The following ZNF484 variants were observed in gnomAD, a reference collection of about 807,000 sequenced individuals.
ZNF484 encodes the protein zinc finger protein 484.
ZNF484 carries 11 observed loss-of-function variants against 12.9 expected under a neutral mutation model. The ratio of observed to expected loss-of-function variants is 0.85; its 90% confidence interval spans 0.54 to 1.41. The LOEUF (loss-of-function observed/expected upper bound fraction) is 1.41. Among genes scored for constraint, ZNF484 ranks in the 40% most tolerant of loss-of-function variants. The pLI, the probability that ZNF484 is intolerant of heterozygous loss-of-function variation, is 0.00. For missense variants in ZNF484, 807 were observed against 1,007.7 expected (o/e 0.80, Z 2.70); for synonymous variants, 289 against 334.1 (o/e 0.86, Z 1.47).
intron 4 of ZNF484, among the ~76,000 whole-genome samples, chr9:92,855,012 T>C (rs1173528705): frequency 6.6e-6 from 1 of 152,084 alleles, no homozygotes; most frequent in East Asian, 1.9e-4. Context: ...ATGTCAAATA[T>C]ATTAGAACAG....
chr9:92,869,271 T>C (rs569789372), intron 2 of ZNF484, among the ~76,000 whole-genome samples: 84 of 152,304 alleles, frequency 5.5e-4, no homozygotes, highest in Middle Eastern at 3.4e-3. Context: ...ATATTGTACA[T>C]GTATGTATGG....
chr9:92,847,471 G>A lies in ZNF484; in HGVS notation c.1316C>T (p.Pro439Leu). ...TTTCCCACAGTCACTGCATTCATAG[G>A]GTTTTTCTCCAGTATGAATTCTTTC... The part of the protein sequence containing the change: ...THERIHTGEK[P>L]YECSDCGKSF... Residue 439 changes from proline to leucine, a missense_variant, in exon 5 of 5, where the codon CCC becomes CTC. Coordinates refer to ENST00000375495, the MANE Select transcript of ZNF484 (RefSeq NM_031486.4). The A allele has an allele frequency of 2.5e-6, 4 of 1,612,464 alleles. No individual in the cohort carries two copies. The highest frequency in any genetic ancestry group is 3.4e-6 in the Non-Finnish European group (4 of 1,179,532).
intron 2 of ZNF484, among the ~76,000 whole-genome samples, chr9:92,867,261 G>A (rs112462979): frequency 2.0e-5 from 3 of 152,190 alleles, no homozygotes; most frequent in African/African-American, 7.2e-5. Flanking sequence ...GGTGGATCAC[G>A]AGGTCAGGAG....
chr9:92,863,359 T>A (rs1856889878), intron 2 of ZNF484, among the ~76,000 whole-genome samples: 1 of 151,886 alleles, frequency 6.6e-6, no homozygotes, highest in Non-Finnish European at 1.5e-5. Context: ...CAGCAAACCA[T>A]CATGACACAC....
At chr9:92,862,976 T>C (rs1162377978) in intron 2 of ZNF484, among the ~76,000 whole-genome samples, 1 of 152,150 alleles carries the variant, frequency 6.6e-6, no homozygotes, top group African/African-American at 2.4e-5. Context: ...CATATGTTCA[T>C]TGTGGCACTA....
chr9:92,855,966 T>C, intron 3 of ZNF484, 63 bp from the exon 4 acceptor site: 1 of 1,578,186 alleles, frequency 6.3e-7, no homozygotes, highest in Non-Finnish European at 8.7e-7. Context: ...ATTCCATTTT[T>C]TTCCCAAAAA....
intron 4 of ZNF484, among the ~76,000 whole-genome samples, chr9:92,851,061 G>A (rs1196481715): frequency 6.6e-6 from 1 of 152,250 alleles, no homozygotes; most frequent in Non-Finnish European, 1.5e-5. Context: ...GCACATGGCT[G>A]CTTCACAACA....
At position 92,848,152 on chromosome 9, in the gene ZNF484, G is replaced by T. The variant is rs965958611; in HGVS notation, c.635C>A (p.Thr212Asn). Residue 212 changes from threonine (T) to asparagine (N), a missense_variant, in exon 5 of 5, where the codon ACT becomes AAT. Physicochemically the swap from Thr to Asn is moderately conservative, Grantham distance 65. Transcript: ENST00000375495. This position sits in a 1 kb window ranked among gnomAD's most constrained non-coding sequence, Gnocchi z 4.1. ...DKTIGDGDIF[T>N]HLNSHTEVTA... is the part of the protein sequence containing the mutation. Reference sequence around the variant, plus strand: ...CACTTCTGTATGAGAATTCAAATGAGTGAAAATATCACCATCTCCAATAGT... The same window carrying T: ...CACTTCTGTATGAGAATTCAAATGATTGAAAATATCACCATCTCCAATAGT... 1 of 1,614,128 alleles carries T rather than the reference G, an allele frequency of 6.2e-7. No homozygotes were observed. The highest frequency in any genetic ancestry group is 1.7e-5 in the Admixed American group (1 of 60,016).
chr9:92,864,061 G>GA (rs1180033557), intron 2 of ZNF484, among the ~76,000 whole-genome samples: 1 of 152,136 alleles, frequency 6.6e-6, no homozygotes, highest in African/African-American at 2.4e-5. Context: ...CAAGATGGAT[G>GA]AAAAAAGCAA....
chr9:92,862,204 T>C (rs1856822234), intron 2 of ZNF484: 1 of 894,104 alleles, frequency 1.1e-6, no homozygotes, highest in African/African-American at 1.8e-5. Context: ...CTGCCATACA[T>C]TTATTAAGCA....
At chr9:92,874,158 G>A (rs1413264810) in intron 2 of ZNF484, among the ~76,000 whole-genome samples, 1 of 152,172 alleles carries the variant, frequency 6.6e-6, no homozygotes, top group Non-Finnish European at 1.5e-5. Context: ...GAGCATTGAT[G>A]TTCTGTGGAA....
At chr9:92,849,786 GTCTC>G (rs376027089) in intron 4 of ZNF484, among the ~76,000 whole-genome samples, 11 of 151,244 alleles carry the variant, frequency 7.3e-5, no homozygotes, top group South Asian at 4.2e-4. Flanking sequence ...GTGAGACTCT[GTCTC>G]TCTCTCTCTC....
In ZNF484 at chr9:92,846,698, A is replaced by C; in HGVS notation, c.2089T>G (p.Cys697Gly). 6.2e-7 allele frequency: 1 copy of C among 1,614,146 alleles called. No homozygotes were observed. Among genetic ancestry groups the C allele is most frequent in the Non-Finnish European group, 8.5e-7 (1 of 1,180,018 alleles). ...GATTTTCTTGCAAAGGCTTTCCCACATTCACTGCACTCATAATGCCTTTCT... is the reference window on the plus strand; with the variant it reads ...GATTTTCTTGCAAAGGCTTTCCCACCTTCACTGCACTCATAATGCCTTTCT... ...TGERHYECSECGKAFARKSTL... is the reference protein window; with the variant it reads ...TGERHYECSEGGKAFARKSTL... The change falls in exon 5 of 5, where the codon TGT becomes GGT. Residue 697 changes from cysteine to glycine, a missense_variant. By Grantham distance (159) the Cys-to-Gly change is radical (BLOSUM62 -3). Transcript: ENST00000375495.
intron 4 of ZNF484, among the ~76,000 whole-genome samples, chr9:92,849,913 T>TGA (rs751535502): frequency 2.6e-5 from 4 of 152,190 alleles, no homozygotes; most frequent in Non-Finnish European, 4.4e-5. Flanking sequence ...GGGATTCTTG[T>TGA]GCCTCAGCCT....
At chr9:92,870,560 G>A (rs188007970) in intron 2 of ZNF484, among the ~76,000 whole-genome samples, 7 of 152,326 alleles carry the variant, frequency 4.6e-5, no homozygotes, top group East Asian at 1.9e-4. Context: ...TCTGCACAGT[G>A]GTAATGGGTA....
intron 4 of ZNF484, among the ~76,000 whole-genome samples, chr9:92,851,308 C>T (rs1856060160): frequency 6.6e-6 from 1 of 152,166 alleles, no homozygotes; most frequent in African/African-American, 2.4e-5. Context: ...TATCCAAAAG[C>T]TAACAATGTA....
chr9:92,877,049 T>G (rs62572381), intron 1 of ZNF484, among the ~76,000 whole-genome samples: 1 of 152,022 alleles, frequency 6.6e-6, no homozygotes, highest in South Asian at 2.1e-4. Context: ...AAAAAACAGC[T>G]AAAACATACT....
At chr9:92,874,603 C>T (rs1384327477) in intron 2 of ZNF484, among the ~76,000 whole-genome samples, 16 of 152,106 alleles carry the variant, frequency 1.1e-4, no homozygotes, top group Non-Finnish European at 1.6e-4. Flanking sequence ...TGAGCCACCG[C>T]GCCTGGCCTG....
chr9:92,860,993 T>C (rs1856755652), intron 2 of ZNF484, among the ~76,000 whole-genome samples: 1 of 152,116 alleles, frequency 6.6e-6, no homozygotes, highest in Non-Finnish European at 1.5e-5. Context: ...AGAATCAACA[T>C]AGAAAAAGCT....
Sources: gnomAD v4.1 joint callset for allele counts (sites outside exome capture counted in the v4.1 genomes callset) on GRCh38, gnomAD v4.1.1 for gene constraint, Gnocchi (gnomAD v3.1) non-coding constraint, MANE v1.5 for transcripts, NCBI Gene and HGNC (gene_info 2026-07-23, HGNC 2026-07-21) for gene names.